TET3: variants seen among roughly 807,000 people sequenced by gnomAD.
TET3 encodes the protein tet methylcytosine dioxygenase 3.
Under a neutral mutation model 141.4 loss-of-function variants are expected in TET3, and 19 were observed. The ratio of observed to expected loss-of-function variants is 0.13; its 90% confidence interval spans 0.09 to 0.20. TET3 has a LOEUF of 0.20. Ranked by LOEUF, TET3 falls within the 10% of genes least tolerant of loss-of-function variation. The pLI is 1.00. For synonymous variants in TET3, 1,043 were observed against 980.9 expected (o/e 1.06, Z -1.18); for missense variants, 1,874 against 2,356.9 (o/e 0.80, Z 4.24).
intron 3 of TET3, among the ~76,000 whole-genome samples, chr2:74,018,368 T>G (rs1457090414): frequency 6.6e-6 from 1 of 152,228 alleles, no homozygotes; most frequent in Non-Finnish European, 1.5e-5. Flanking sequence ...TTGGCCTGTT[T>G]GTCTTTCATT....
chr2:74,088,153 T>G (rs1690263472), intron 7 of TET3, 115 bp downstream of exon 7: 1 of 1,071,654 alleles, frequency 9.3e-7, no homozygotes, highest in Non-Finnish European at 1.3e-6. Flanking sequence ...TGCGGCACTG[T>G]TTGTCCTGCA....
chr2:74,107,687 T>TATCTC lies in TET3; in HGVS notation c.*5512_*5516dup, dbSNP rs957923938. The TATCTC allele has an allele frequency of 2.6e-5, 4 of 152,200 alleles. No individual in the cohort carries two copies. The highest frequency in any genetic ancestry group is 9.7e-5 in the African/African-American group (4 of 41,442). 9.4% of individuals were successfully genotyped at this position (152,200 alleles called of 1,614,324 possible). ...TAGCTTTTTGATGTGTTTTATTTCTTATCTCTTTGAATTCCTGTTTGGTTA... is the reference window on the plus strand; with the variant it reads ...TAGCTTTTTGATGTGTTTTATTTCTTATCTCATCTCTTTGAATTCCTGTTTGGTTA... On this transcript the variant is annotated 3_prime_UTR_variant, in exon 12 of 12. Coordinates refer to ENST00000409262, the MANE Select transcript of TET3 (RefSeq NM_001287491.2).
intron 3 of TET3, among the ~76,000 whole-genome samples, chr2:74,021,113 C>T (rs1686017731): frequency 6.6e-6 from 1 of 152,246 alleles, no homozygotes; most frequent in Non-Finnish European, 1.5e-5. Flanking sequence ...CCCCTATCCC[C>T]TGCTGTTGGT....
At chr2:74,076,938 T>C (rs1434601744) in intron 5 of TET3, among the ~76,000 whole-genome samples, 1 of 152,208 alleles carries the variant, frequency 6.6e-6, no homozygotes, top group African/African-American at 2.4e-5. Context: ...TCCTAAAATG[T>C]CCCAACTTAT....
intron 3 of TET3, among the ~76,000 whole-genome samples, chr2:74,005,134 T>C (rs921704025): frequency 6.6e-6 from 1 of 152,188 alleles, no homozygotes; most frequent in African/African-American, 2.4e-5. Context: ...TCTTTCCAAG[T>C]GTGTTCTCCG....
chr2:74,054,890 G>T (rs147146444), intron 4 of TET3, among the ~76,000 whole-genome samples: 80 of 152,002 alleles, frequency 5.3e-4, no homozygotes, highest in Admixed American at 1.4e-3. Flanking sequence ...CATGTTTTTT[G>T]TTGTTGTTGT....
intron 3 of TET3, among the ~76,000 whole-genome samples, chr2:74,023,736 T>C (rs1686192308): frequency 6.6e-6 from 1 of 152,240 alleles, no homozygotes; most frequent in African/African-American, 2.4e-5. Context: ...TAGAAAATTG[T>C]TCTTTAATTC....
intron 3 of TET3, among the ~76,000 whole-genome samples, chr2:74,015,211 A>G (rs1685665274): frequency 1.3e-5 from 2 of 152,228 alleles, no homozygotes; most frequent in Admixed American, 1.3e-4. Context: ...GTCAGGAGAA[A>G]GGGATAGGCA....
chr2:74,088,469 C>T (rs1690279032), intron 7 of TET3, among the ~76,000 whole-genome samples: 1 of 151,872 alleles, frequency 6.6e-6, no homozygotes, highest in South Asian at 2.1e-4. Context: ...GGTGAAACCC[C>T]ATCTCTACTA....
intron 3 of TET3, among the ~76,000 whole-genome samples, chr2:74,008,554 T>C (rs1685263478): frequency 6.6e-6 from 1 of 152,232 alleles, no homozygotes; most frequent in African/African-American, 2.4e-5. Context: ...ATACCCTTTT[T>C]CCCCTGGGGG....
intron 6 of TET3, among the ~76,000 whole-genome samples, chr2:74,082,103 A>G (rs1451423822): frequency 6.6e-6 from 1 of 151,858 alleles, no homozygotes; most frequent in Non-Finnish European, 1.5e-5. Flanking sequence ...TTGGACATAA[A>G]AATGAAGATC....
chr2:73,985,500 C>T (rs1304921931), intron 1 of TET3, among the ~76,000 whole-genome samples: 2 of 145,048 alleles, frequency 1.4e-5, no homozygotes, highest in African/African-American at 4.9e-5. Flanking sequence ...GTCGGGCTGG[C>T]GGGCTGCGCT....
At chr2:73,987,551 T>C (rs1181666745) in intron 2 of TET3, among the ~76,000 whole-genome samples, 1 of 152,180 alleles carries the variant, frequency 6.6e-6, no homozygotes, top group African/African-American at 2.4e-5. Flanking sequence ...AGCAGAGAGT[T>C]GGCAGAAGTA....
At position 74,065,176 on chromosome 2, in the gene TET3, T is replaced by C. The variant is rs150551263; in HGVS notation, c.2495-8373T>C. Among the ~76,000 whole-genome samples the C allele has an allele frequency of 5.9e-4, 90 of 152,358 alleles. No individual in the cohort carries two copies. The East Asian group carries it at 0.01, about 17-fold the overall frequency. On this transcript the variant is annotated intron_variant, in intron 4 of 11. Coordinates refer to ENST00000409262, the MANE Select transcript of TET3 (RefSeq NM_001287491.2). ...GGTTTAAGTGACAAGGTTTATCTTT[T>C]AATGGTAACTCATAGAAATTATGCA...
At chr2:74,134,639 G>A in the TET3 span, 1 of 454,984 alleles carries the variant, frequency 2.2e-6, no homozygotes, top group Non-Finnish European at 4.4e-6. Context: ...CTGGCTGATG[G>A]GAGCAGAAAA....
chr2:74,096,629 A>C lies in TET3; in HGVS notation c.3268-2647A>C, dbSNP rs929937239. Among the ~76,000 whole-genome samples the C allele has an allele frequency of 2.0e-5, 3 of 151,932 alleles. No homozygotes were observed. In the South Asian group the frequency reaches 6.2e-4, roughly 32 times the overall value. ...TAAAAATACAAAAAGTTAGCTAAGC[A>C]TGGTGGCAGGCGCCTGTAATCCCAG... On this transcript the variant is annotated intron_variant, in intron 10 of 11. Transcript: ENST00000409262.
the TET3 span, among the ~76,000 whole-genome samples, chr2:74,114,853 C>CAAGAAAAAAAAAAA: frequency 2.3e-5 from 1 of 43,882 alleles, no homozygotes; most frequent in African/African-American, 1.1e-4. Context: ...GACTCTGTCT[C>CAAGAAAAAAAAAAA]AAAAAAAAAA....
chr2:73,992,196 T>C (rs975162243), intron 2 of TET3, among the ~76,000 whole-genome samples: 1 of 152,026 alleles, frequency 6.6e-6, no homozygotes, highest in Non-Finnish European at 1.5e-5. Context: ...TCAGAAGATA[T>C]AACCTGGGGA....
the TET3 span, chr2:74,121,154 G>C: frequency 6.6e-6 from 1 of 152,108 alleles, no homozygotes; most frequent in Non-Finnish European, 1.5e-5. Context: ...TGTTGAAAAA[G>C]GCACACCACC....
Sources: gnomAD v4.1 joint callset for allele counts (sites outside exome capture counted in the v4.1 genomes callset) on GRCh38, gnomAD v4.1.1 for gene constraint, MANE v1.5 for transcripts, NCBI Gene and HGNC (gene_info 2026-07-23, HGNC 2026-07-21) for gene names.